ZC2HC1C: variants seen among roughly 807,000 people sequenced by gnomAD.
ZC2HC1C encodes zinc finger C2HC-type containing 1C.
In ZC2HC1C, 25 loss-of-function variants were observed where a neutral mutation model predicts 39.2. That is an observed-to-expected ratio of 0.64 (90% CI 0.47 to 0.89). The LOEUF (loss-of-function observed/expected upper bound fraction) is 0.89. Ranked by LOEUF, ZC2HC1C falls within the 40% of genes least tolerant of loss-of-function variation. The pLI is 0.00. For synonymous variants in ZC2HC1C, 209 were observed against 214.4 expected (o/e 0.97, Z 0.22); for missense variants, 519 against 548.6 (o/e 0.95, Z 0.54).
chr14:75,075,081 A>G (rs1426856449), intron 2 of ZC2HC1C, among the ~76,000 whole-genome samples: 1 of 152,232 alleles, frequency 6.6e-6, no homozygotes, highest in African/African-American at 2.4e-5. Flanking sequence ...AAAATTAATA[A>G]TGGACGTATG....
In ZC2HC1C at chr14:75,077,558, G is replaced by C. The variant is rs996269777; in HGVS notation, c.1365G>C (p.Trp455Cys). 1 of 1,614,052 alleles carries C rather than the reference G, an allele frequency of 6.2e-7. No homozygotes were observed. The highest frequency in any genetic ancestry group is 8.5e-7 in the Non-Finnish European group (1 of 1,180,050). ...CTGAACCTCCTCAGAAGAGCAACTG[G>C]AGATAGAAGCATGAATCTTTTATCC... is the stretch of plus-strand genomic sequence containing the variant. ...AKAEPPQKSNWR is the reference protein window; with the variant it reads ...AKAEPPQKSNCR The change falls in exon 3 of 3, where the codon TGG (tryptophan) becomes TGC (cysteine). Residue 455 changes from tryptophan to cysteine, a missense_variant. By Grantham distance (215) the Trp-to-Cys change is radical. Coordinates refer to ENST00000524913, the MANE Select transcript of ZC2HC1C (RefSeq NM_024643.4).
rs901965771 is a variant in ZC2HC1C, at chr14:75,077,545, A to G, written c.1352A>G (p.Gln451Arg). 6.2e-7 allele frequency: 1 copy of G among 1,614,218 alleles called. No individual in the cohort carries two copies. Among genetic ancestry groups the G allele is most frequent in the Middle Eastern group, 1.6e-4 (1 of 6,062 alleles). ...GPASAKAEPPQKSNWR is the reference protein window; with the variant it reads ...GPASAKAEPPRKSNWR ...TTTACATTACAGGCTGAACCTCCTC[A>G]GAAGAGCAACTGGAGATAGAAGCAT... Residue 451 changes from glutamine (Q) to arginine (R), a missense_variant, in exon 3 of 3, where the codon CAG becomes CGG. Coordinates refer to ENST00000524913, the MANE Select transcript of ZC2HC1C (RefSeq NM_024643.4).
intron 2 of ZC2HC1C, 87 bp from the exon 3 acceptor site, chr14:75,077,444 CT>C (rs2139687976): frequency 6.5e-7 from 1 of 1,547,596 alleles, no homozygotes; most frequent in East Asian, 2.2e-5. Flanking sequence ...GATTAGTACC[CT>C]TTTCATTTTC....
rs760244359 is a variant in ZC2HC1C at position 75,071,264 on chromosome 14, CA to C, written c.692del (p.Gln231ArgfsTer4). On this transcript the variant is annotated frameshift_variant, in exon 2 of 3. Coordinates refer to ENST00000524913, the MANE Select transcript of ZC2HC1C (RefSeq NM_024643.4). LOFTEE classifies it high-confidence loss of function. The stretch of plus-strand genomic sequence containing the variant: ...CTTAGAGGAGGAAATCCGAAGAAAG[CA>C]GATTCTCCTGAGGGGAAAGCTGAAG... ...ESLEEEIRRK[Q>X]ILLRGKLKKT... 3 of 1,614,116 alleles carry C rather than the reference CA, an allele frequency of 1.9e-6. No homozygotes were observed. The Admixed American group carries it at 5.0e-5, about 27-fold the overall frequency.
In ZC2HC1C at chr14:75,071,853, G is replaced by A. The variant is rs1300960106; in HGVS notation, c.1280G>A (p.Arg427Gln). The change falls in exon 2 of 3, where the codon CGG becomes CAG. Residue 427 changes from arginine (R) to glutamine (Q), a missense_variant. Arg to Gln is a conservative substitution (Grantham distance 43, BLOSUM62 1). Coordinates refer to ENST00000524913, the MANE Select transcript of ZC2HC1C (RefSeq NM_024643.4). The stretch of plus-strand genomic sequence containing the variant: ...AAAGTGTTTGACTCCTCCAGGGCCC[G>A]GGCTAAGGGCACAGAACTAGAGCAG... ...KRKVFDSSRA[R>Q]AKGTELEQYL... The A allele has an allele frequency of 5.6e-6, 9 of 1,613,652 alleles. No homozygotes were observed. The highest frequency in any genetic ancestry group is 2.2e-5 in the East Asian group (1 of 44,906).
chr14:75,074,608 G>C (rs1305676465), intron 2 of ZC2HC1C, among the ~76,000 whole-genome samples: 1 of 151,592 alleles, frequency 6.6e-6, no homozygotes, highest in African/African-American at 2.4e-5. Context: ...CGGAGTCTCT[G>C]TCGCCCAGGC....
In ZC2HC1C at chr14:75,071,630, C is replaced by T. The variant is rs1893421408; in HGVS notation, c.1057C>T (p.Pro353Ser). ...GCCATCGGTGGAGAAATTCTCCCCGCCTTCAGAAACACCAGTCGGTGCTTT... is the reference window on the plus strand; with the variant it reads ...GCCATCGGTGGAGAAATTCTCCCCGTCTTCAGAAACACCAGTCGGTGCTTT... ...SEPSVEKFSP[P>S]SETPVGALQG... The change falls in exon 2 of 3, where the codon CCT becomes TCT. Residue 353 changes from proline (P) to serine (S), a missense_variant. Transcript: ENST00000524913. The T allele has an allele frequency of 6.2e-7, 1 of 1,614,080 alleles. No individual in the cohort carries two copies. The highest frequency in any genetic ancestry group is 1.1e-5 in the South Asian group (1 of 91,082).
In ZC2HC1C at chr14:75,079,959, T is replaced by A. The variant is rs905038959; in HGVS notation, c.*2395T>A. ...AGGAAGCAGTTGTTTGCTCTCATTT[T>A]GCTAAAGAAATAAAACAATAGTCAA... On this transcript the variant is annotated 3_prime_UTR_variant, in exon 3 of 3. Coordinates refer to ENST00000524913, the MANE Select transcript of ZC2HC1C (RefSeq NM_024643.4). 6.6e-6 allele frequency: 1 copy of A among 152,258 alleles called. No individual in the cohort carries two copies. The highest frequency in any genetic ancestry group is 1.5e-5 in the Non-Finnish European group (1 of 68,052). The allele number at this position is 152,258 out of a possible 1,614,324, so 9.4% of individuals were successfully genotyped here.
In ZC2HC1C at chr14:75,071,623, C is replaced by T; in HGVS notation, c.1050C>T (p.Phe350=). The change falls in exon 2 of 3, where the codon TTC becomes TTT. Residue 350 remains phenylalanine, a synonymous_variant. Coordinates refer to ENST00000524913, the MANE Select transcript of ZC2HC1C (RefSeq NM_024643.4). ...TCTCAGAGCCATCGGTGGAGAAATT[C>T]TCCCCGCCTTCAGAAACACCAGTCG... ...DPVSEPSVEK[F]SPPSETPVGA... 1 of 1,614,214 alleles carries T rather than the reference C, an allele frequency of 6.2e-7. No individual in the cohort carries two copies. The highest frequency in any genetic ancestry group is 8.5e-7 in the Non-Finnish European group (1 of 1,180,028).
intron 2 of ZC2HC1C, among the ~76,000 whole-genome samples, chr14:75,074,279 G>C (rs981654284): frequency 1.4e-4 from 22 of 152,184 alleles, no homozygotes; most frequent in African/African-American, 5.1e-4. Context: ...TTTGGCAAGA[G>C]ACTTTCTGGA....
chr14:75,073,962 G>A (rs1893546710), intron 2 of ZC2HC1C, among the ~76,000 whole-genome samples: 1 of 152,092 alleles, frequency 6.6e-6, no homozygotes, highest in African/African-American at 2.4e-5. Context: ...CGCGATCTCG[G>A]CTCACTGCAG....
Position 75,071,614 on chromosome 14 carries a change from G to A in ZC2HC1C, c.1041G>A (p.Val347=). The A allele has an allele frequency of 6.2e-7, 1 of 1,614,178 alleles. No homozygotes were observed. Among genetic ancestry groups the A allele is most frequent in the Non-Finnish European group, 8.5e-7 (1 of 1,180,038 alleles). The change falls in exon 2 of 3, where the codon GTG becomes GTA. Residue 347 remains valine, a synonymous_variant. Coordinates refer to ENST00000524913, the MANE Select transcript of ZC2HC1C (RefSeq NM_024643.4). ...KIRDPVSEPS[V]EKFSPPSETP... is the part of the protein sequence containing the mutation. ...GAGACCCAGTCTCAGAGCCATCGGT[G>A]GAGAAATTCTCCCCGCCTTCAGAAA...
intron 2 of ZC2HC1C, among the ~76,000 whole-genome samples, chr14:75,077,054 G>A (rs764019901): frequency 4.6e-5 from 7 of 152,114 alleles, no homozygotes; most frequent in Non-Finnish European, 7.4e-5. Flanking sequence ...CTGACAGTTC[G>A]ATAATTTGGT....
At position 75,078,402 on chromosome 14, in the gene ZC2HC1C, A is replaced by G. The variant is rs1893775619; in HGVS notation, c.*838A>G. On this transcript the variant is annotated 3_prime_UTR_variant, in exon 3 of 3. Coordinates refer to ENST00000524913, the MANE Select transcript of ZC2HC1C (RefSeq NM_024643.4). ...AACCTTCCCTATGGTGTACTGTGTA[A>G]TAAAGGAAAGATCTTTATGTACTTT... 1 of 152,212 alleles carries G rather than the reference A, an allele frequency of 6.6e-6. No homozygotes were observed. The highest frequency in any genetic ancestry group is 2.4e-5 in the African/African-American group (1 of 41,452). 9.4% of individuals were successfully genotyped at this position (152,212 alleles called of 1,614,324 possible).
In ZC2HC1C at chr14:75,077,593, G is replaced by T; in HGVS notation, c.*29G>T. The T allele has an allele frequency of 1.2e-6, 2 of 1,613,810 alleles. No homozygotes were observed. Among genetic ancestry groups the T allele is most frequent in the Non-Finnish European group, 1.7e-6 (2 of 1,179,894 alleles). ...CATGAATCTTTTATCCATACGTTCC[G>T]CCAGGCTCGAGAGGTCCAGCAGGTA... On this transcript the variant is annotated 3_prime_UTR_variant, in exon 3 of 3. Transcript: ENST00000524913.
intron 2 of ZC2HC1C, chr14:75,073,739 G>A: frequency 1.6e-6 from 1 of 634,496 alleles, no homozygotes; most frequent in Non-Finnish European, 2.5e-6. Flanking sequence ...AACATATTTT[G>A]TGCTTTGTGC....
Position 75,071,692 on chromosome 14 carries a change from A to G in ZC2HC1C, c.1119A>G (p.Ala373=). Residue 373 remains alanine, a synonymous_variant, in exon 2 of 3, where the codon GCA becomes GCG. Coordinates refer to ENST00000524913, the MANE Select transcript of ZC2HC1C (RefSeq NM_024643.4). ...GSARNSSLSM[A]PDSSGSSGSI... ...CCAGAAATTCCAGCCTGTCCATGGC[A>G]CCAGACTCCTCAGGTTCCAGCGGCT... 6.2e-7 allele frequency: 1 copy of G among 1,614,148 alleles called. No homozygotes were observed. Among genetic ancestry groups the G allele is most frequent in the Non-Finnish European group, 8.5e-7 (1 of 1,180,010 alleles).
At chr14:75,074,498 G>C (rs1025656182) in intron 2 of ZC2HC1C, among the ~76,000 whole-genome samples, 1 of 152,064 alleles carries the variant, frequency 6.6e-6, no homozygotes, top group African/African-American at 2.4e-5. Flanking sequence ...TGGTTCTTCT[G>C]GTCTGCCTTT....
intron 2 of ZC2HC1C, 90 bp downstream of exon 2, chr14:75,072,001 G>A: frequency 6.7e-7 from 1 of 1,486,030 alleles, no homozygotes; most frequent in African/African-American, 1.4e-5. Context: ...GAAAATTCAT[G>A]TGTCATGTAG....
Sources: allele counts gnomAD v4.1 joint callset (sites outside exome capture counted in the v4.1 genomes callset), GRCh38; gene constraint gnomAD v4.1.1; transcripts MANE v1.5; gene names NCBI Gene and HGNC (gene_info 2026-07-23, HGNC 2026-07-21).